Variants in TTN observed in about 807,000 individuals in gnomAD.
TTN encodes titin.
A neutral mutation model predicts 3,223.0 loss-of-function variants in TTN; 1,525 were observed. The ratio of observed to expected loss-of-function variants is 0.47; its 90% confidence interval spans 0.45 to 0.49. TTN has a LOEUF of 0.49. TTN is among the 20% of genes least tolerant of loss of function. The pLI, the probability that TTN is intolerant of heterozygous loss-of-function variation, is 0.00. For missense variants in TTN, 40,786 were observed against 43,424.0 expected, an observed-to-expected ratio of 0.94 and a Z score of 5.40; for synonymous variants, 14,094 against 15,161.0, an observed-to-expected ratio of 0.93 and a Z score of 5.17.
At position 178,530,336 on chromosome 2, in the gene TTN, G is replaced by GCA. The variant is rs1688549801; in HGVS notation, c.106277_106278dup (p.Gln35427CysfsTer52). On this transcript the variant is annotated frameshift_variant, in exon 358 of 363. Coordinates refer to ENST00000589042, the MANE Select transcript of TTN (RefSeq NM_001267550.2). LOFTEE classifies it high-confidence loss of function. ...CTGTCTGAAGAAACAGTTGTATCCT[G>GCA]CAACCCAGTAACAATTACTGGTTTT... 1 of 1,613,834 alleles carries GCA rather than the reference G, an allele frequency of 6.2e-7. No individual in the cohort carries two copies. The highest frequency in any genetic ancestry group is 8.5e-7 in the Non-Finnish European group (1 of 1,179,884).
chr2:178,753,371 G>T, intron 46 of TTN, 191 bp from the exon 47 acceptor site: 1 of 477,174 alleles, frequency 2.1e-6, no homozygotes, highest in East Asian at 3.4e-5. Flanking sequence ...TTGACAGAAA[G>T]ATTTAAAACA....
chr2:178,539,679 G>A lies in TTN; in HGVS notation c.98386C>T (p.Pro32796Ser). 1 of 1,613,620 alleles carries A rather than the reference G, an allele frequency of 6.2e-7. No homozygotes were observed. Reference protein sequence around the residue: ...VYIKVRVIGSPNSPEGPLEYD... With the variant: ...VYIKVRVIGSSNSPEGPLEYD... ...TCCAGTGGCCCTTCTGGACTGTTGG[G>A]ACTTCCTATCACCCTGACCTTGATG... Residue 32796 changes from proline (P) to serine (S), a missense_variant, in exon 352 of 363, where the codon CCC becomes TCC. Transcript: ENST00000589042.
intron 13 of TTN, among the ~76,000 whole-genome samples, chr2:178,787,465 GTA>G (rs1352538161): frequency 6.6e-6 from 1 of 151,994 alleles, no homozygotes; most frequent in African/African-American, 2.4e-5. Flanking sequence ...GACTTTAATT[GTA>G]TAGACATTTT....
intron 33 of TTN, 64 bp downstream of exon 33, chr2:178,773,045 G>A (rs951583111): frequency 1.9e-6 from 3 of 1,604,202 alleles, no homozygotes; most frequent in African/African-American, 2.7e-5. Context: ...TGGGGGAAAT[G>A]AATAATAATT....
Position 178,771,358 on chromosome 2 carries a change from T to C in TTN, c.7969A>G (p.Lys2657Glu). 6.2e-7 allele frequency: 1 copy of C among 1,614,104 alleles called. No homozygotes were observed. Among genetic ancestry groups the C allele is most frequent in the Non-Finnish European group, 8.5e-7 (1 of 1,179,996 alleles). The change falls in exon 34 of 363, where the codon AAA becomes GAA. Residue 2657 changes from lysine (K) to glutamate (E), a missense_variant. Transcript: ENST00000589042. ...ATGTTGTTAGTCAGTGGTAGGTGTT[T>C]GCCATCCCTCAACCATTCGCCTTTG... Reference protein sequence around the residue: ...DSKGEWLRDGKHLPLTNNIRS... With the variant: ...DSKGEWLRDGEHLPLTNNIRS...
Position 178,576,905 on chromosome 2 carries a change from C to T in TTN, c.69412+18G>A. On this transcript the variant is annotated intron_variant, in intron 324 of 362. Transcript: ENST00000589042. The surrounding 1 kb of genome is among the most constrained non-coding windows in gnomAD (Gnocchi z 4.3). ...CTATAAATGTTTCCATGTCAATTCC[C>T]TCACATGCTCTACATACCAAATCTG... The T allele has an allele frequency of 6.2e-7, 1 of 1,606,314 alleles. No homozygotes were observed. The highest frequency in any genetic ancestry group is 1.3e-5 in the African/African-American group (1 of 74,360).
chr2:178,562,081 T>C lies in TTN; in HGVS notation c.84051A>G (p.Val28017=). The C allele has an allele frequency of 6.2e-7, 1 of 1,613,378 alleles. No homozygotes were observed. Among genetic ancestry groups the C allele is most frequent in the Non-Finnish European group, 8.5e-7 (1 of 1,179,610 alleles). The change falls in exon 326 of 363, where the codon GTA becomes GTG. Residue 28017 remains valine (V), a synonymous_variant. Transcript: ENST00000589042. ...AAGCTTCCTTAATAGATAGTGATGT[T>C]ACAGTCTTTGAAGAAGAAACATTGA... ...TRVNVSSSKT[V]TSLSIKEASK...
Position 178,702,264 on chromosome 2 carries a change from C to A in TTN, c.30434-19G>T. 2 of 1,613,794 alleles carry A rather than the reference C, an allele frequency of 1.2e-6. No homozygotes were observed. The highest frequency in any genetic ancestry group is 1.7e-6 in the Non-Finnish European group (2 of 1,179,852). The stretch of plus-strand genomic sequence containing the variant: ...TAGACACCTAGGGTGAAAAATCATC[C>A]AACTTTTGTTTTCTGATATGTTGCA... On this transcript the variant is annotated intron_variant, in intron 107 of 362. Transcript: ENST00000589042.
Position 178,605,000 on chromosome 2 carries a change from G to A in TTN, c.54177C>T (p.His18059=), listed in dbSNP as rs772133203. The A allele has an allele frequency of 5.6e-6, 9 of 1,596,926 alleles. No homozygotes were observed. The highest frequency in any genetic ancestry group is 1.1e-5 in the South Asian group (1 of 88,506). ...CAAGTCACTTACCATATACTTCAAC[G>A]TGAACATTTCGGAACACTGAGCCAA... is the stretch of plus-strand genomic sequence containing the variant. The part of the protein sequence containing the change: ...NRLGSVFRNV[H]VEVYDRPSPP... Residue 18059 remains histidine, a synonymous_variant, in exon 280 of 363, where the codon CAC becomes CAT. Coordinates refer to ENST00000589042, the MANE Select transcript of TTN (RefSeq NM_001267550.2).
chr2:178,751,027 T>C, intron 47 of TTN: 1 of 1,612,684 alleles, frequency 6.2e-7, no homozygotes, highest in East Asian at 2.2e-5. Flanking sequence ...TTTGAAAGCT[T>C]GTGGGAAGTT....
Position 178,552,898 on chromosome 2 carries a change from G to T in TTN, c.90002C>A (p.Thr30001Asn). Reference protein sequence around the residue: ...SFKLIDLSEKTPFFFRVLAEN... With the variant: ...SFKLIDLSEKNPFFFRVLAEN... Reference sequence around the variant, plus strand: ...TGCAAGAACTCTGAAGAAGAATGGAGTCTTCTCCGACAAATCTATTAGCTT... The same window carrying T: ...TGCAAGAACTCTGAAGAAGAATGGATTCTTCTCCGACAAATCTATTAGCTT... The change falls in exon 335 of 363, where the codon ACT (threonine) becomes AAT (asparagine). Residue 30001 changes from threonine to asparagine, a missense_variant. Coordinates refer to ENST00000589042, the MANE Select transcript of TTN (RefSeq NM_001267550.2). The T allele has an allele frequency of 1.9e-6, 3 of 1,613,786 alleles. No individual in the cohort carries two copies. Among genetic ancestry groups the T allele is most frequent in the Non-Finnish European group, 2.5e-6 (3 of 1,179,798 alleles).
chr2:178,642,879 T>TAA (rs1232402798), intron 218 of TTN, among the ~76,000 whole-genome samples: 1 of 152,008 alleles, frequency 6.6e-6, no homozygotes. Context: ...ATAAAATATT[T>TAA]AAAATTATAG....
In TTN at chr2:178,598,800, G is replaced by A. The variant is rs148299739; in HGVS notation, c.56910C>T (p.Gly18970=). 881 of 1,613,354 alleles carry A rather than the reference G, an allele frequency of 5.5e-4. 8 individuals carry two copies. The East Asian group carries it at 0.018, about 32-fold the overall frequency. Residue 18970 remains glycine (G), a synonymous_variant, in exon 291 of 363, where the codon GGC becomes GGT. Coordinates refer to ENST00000589042, the MANE Select transcript of TTN (RefSeq NM_001267550.2). Reference sequence around the variant, plus strand: ...CTGATGGCAGACTTGCTGGACCCACGCCAGCAGCATTGATTGCATATACCC... The same window carrying A: ...CTGATGGCAGACTTGCTGGACCCACACCAGCAGCATTGATTGCATATACCC... ...QFRVYAINAA[G]VGPASLPSDP... is the part of the protein sequence containing the mutation.
chr2:178,654,032 G>C lies in TTN; in HGVS notation c.38444C>G (p.Pro12815Arg). The change falls in exon 194 of 363, where the codon CCA becomes CGA. Residue 12815 changes from proline to arginine, a missense_variant. Coordinates refer to ENST00000589042, the MANE Select transcript of TTN (RefSeq NM_001267550.2). ...TGTACCTGTAACTGCGGGGGCTTCT[G>C]GTTTTTTGATTGGTGCCTTGGGAAT... ...KKIPKAPIKK[P>R]EAPAVTVPEV... 8 of 1,579,842 alleles carry C rather than the reference G, an allele frequency of 5.1e-6. No individual in the cohort carries two copies. Among genetic ancestry groups the C allele is most frequent in the Non-Finnish European group, 6.0e-6 (7 of 1,171,794 alleles).
chr2:178,554,716 T>C lies in TTN; in HGVS notation c.88631A>G (p.Lys29544Arg). ...PGPPGGPIEF[K>R]TVTAEKITLL... is the part of the protein sequence containing the mutation. ...GGTGATCTTCTCAGCAGTTACAGTC[T>C]TAAATTCAATTGGTCCACCAGGTGG... The change falls in exon 332 of 363, where the codon AAG becomes AGG. Residue 29544 changes from lysine to arginine, a missense_variant. By Grantham distance (26) the Lys-to-Arg change is conservative (BLOSUM62 2). Coordinates refer to ENST00000589042, the MANE Select transcript of TTN (RefSeq NM_001267550.2). The C allele has an allele frequency of 6.2e-7, 1 of 1,613,930 alleles. No individual in the cohort carries two copies. The highest frequency in any genetic ancestry group is 1.3e-5 in the African/African-American group (1 of 75,058).
chr2:178,756,147 G>A (rs544053572), intron 46 of TTN, 75 bp downstream of exon 46: 1 of 1,115,786 alleles, frequency 9.0e-7, no homozygotes, highest in African/African-American at 1.6e-5. Context: ...TTCGTCGATT[G>A]AATTTGCATG....
At position 178,607,057 on chromosome 2, in the gene TTN, C is replaced by G. The variant is rs746831431; in HGVS notation, c.53545G>C (p.Val17849Leu). Residue 17849 changes from valine to leucine, a missense_variant, in exon 278 of 363, where the codon GTT becomes CTT. Coordinates refer to ENST00000589042, the MANE Select transcript of TTN (RefSeq NM_001267550.2). ...AKNKFGCGPP[V>L]EIGPILAVDP... ...ACTGCAAGAATTGGTCCTATTTCAACAGGAGGGCCACAGCCAAACTTGTTC... is the reference window on the plus strand; with the variant it reads ...ACTGCAAGAATTGGTCCTATTTCAAGAGGAGGGCCACAGCCAAACTTGTTC... The G allele has an allele frequency of 4.8e-5, 78 of 1,611,532 alleles. No homozygotes were observed. Among genetic ancestry groups the G allele is most frequent in the Middle Eastern group, 1.6e-4 (1 of 6,066 alleles).
chr2:178,572,454 C>A lies in TTN; in HGVS notation c.73678G>T (p.Glu24560Ter). 6.2e-7 allele frequency: 1 copy of A among 1,612,274 alleles called. No individual in the cohort carries two copies. The highest frequency in any genetic ancestry group is 1.1e-5 in the South Asian group (1 of 91,012). ...KIKNYIVEKR[E>*]STRKAYSTVA... is the part of the protein sequence containing the mutation. ...GTTGAATATGCTTTTCTTGTTGATT[C>A]CCGCTTTTCAACAATATAGTTCTTG... The change falls in exon 326 of 363, where the codon GAA (glutamate) becomes TAA (stop). Residue 24560 changes from glutamate to a stop codon, truncating the protein, a stop_gained. Coordinates refer to ENST00000589042, the MANE Select transcript of TTN (RefSeq NM_001267550.2). LOFTEE classifies it high-confidence loss of function.
At chr2:178,711,909 C>T (rs1194474783) in intron 96 of TTN, 35 bp downstream of exon 96, 14 of 1,524,976 alleles carry the variant, frequency 9.2e-6, no homozygotes, top group East Asian at 4.5e-5. Flanking sequence ...TCAAAAGAAA[C>T]ACAAATTCGT....
Sources: allele counts gnomAD v4.1 joint callset (sites outside exome capture counted in the v4.1 genomes callset), GRCh38; gene constraint gnomAD v4.1.1; non-coding constraint Gnocchi (gnomAD v3.1); transcripts MANE v1.5; gene names NCBI Gene and HGNC (gene_info 2026-07-23, HGNC 2026-07-21).